The following FBXO8 variants were observed in gnomAD, a reference collection of about 807,000 sequenced individuals.
FBXO8 encodes the protein F-box protein 8.
FBXO8 carries 15 observed loss-of-function variants against 33.4 expected under a neutral mutation model. That is an observed-to-expected ratio of 0.45 (90% CI 0.30 to 0.69). The LOEUF is 0.69. FBXO8 is among the 30% of genes least tolerant of loss of function. The probability of loss-of-function intolerance (pLI) is 0.08; values close to 1 mark genes in which losing one functional copy is unlikely to be tolerated. For synonymous variants in FBXO8, 132 were observed against 131.5 expected (o/e 1.00, Z -0.02); for missense variants, 274 against 380.3 (o/e 0.72, Z 2.32).
At chr4:174,242,347 A>G (rs1418663526) in intron 3 of FBXO8, among the ~76,000 whole-genome samples, 1 of 151,560 alleles carries the variant, frequency 6.6e-6, no homozygotes, top group Non-Finnish European at 1.5e-5. Context: ...TTCTCATAAA[A>G]CTTTTATGGT....
intron 1 of FBXO8, among the ~76,000 whole-genome samples, chr4:174,268,650 A>G (rs1051551469): frequency 2.0e-5 from 3 of 152,026 alleles, no homozygotes; most frequent in Non-Finnish European, 4.4e-5. Flanking sequence ...GTTAGCCAGG[A>G]TGGTCTCCAT....
chr4:174,240,281 C>A (rs1047743736), intron 4 of FBXO8, among the ~76,000 whole-genome samples: 1 of 151,682 alleles, frequency 6.6e-6, no homozygotes, highest in African/African-American at 2.4e-5. Flanking sequence ...GGACTCTGAA[C>A]TTCTCAAAGA....
rs763205596 is a variant in FBXO8, at chr4:174,263,263, A to G, written c.-8-163T>C. 1.3e-5 allele frequency among the ~76,000 whole-genome samples: 2 copies of G among 152,240 alleles called. No individual in the cohort carries two copies. The highest frequency in any genetic ancestry group is 2.4e-5 in the African/African-American group (1 of 41,462). On this transcript the variant is annotated intron_variant, in intron 1 of 5. Transcript: ENST00000393674. The surrounding 1 kb of genome is among the most constrained non-coding windows in gnomAD (Gnocchi z 4.2). ...TATTACTAAGAATAGCTGGAAAATT[A>G]TAAGTGCAAATTTTGATAGACAAAG...
Position 174,247,468 on chromosome 4 carries a change from A to G in FBXO8, c.457-6250T>C, listed in dbSNP as rs1025746154. On this transcript the variant is annotated intron_variant, in intron 3 of 5. Transcript: ENST00000393674. The surrounding 1 kb of genome is among the most constrained non-coding windows in gnomAD (Gnocchi z 4.6). The stretch of plus-strand genomic sequence containing the variant: ...TAGACCATTATATAATAGAAAGCCA[A>G]TTGGATACTGCATTTAATTTTCTTT... Among the ~76,000 whole-genome samples, 8 of 152,042 alleles carry G rather than the reference A, an allele frequency of 5.3e-5. No individual in the cohort carries two copies. Among genetic ancestry groups the G allele is most frequent in the African/African-American group, 1.4e-4 (6 of 41,430 alleles).
chr4:174,259,971 T>A lies in FBXO8; in HGVS notation c.330-146A>T, dbSNP rs1328349845. The A allele has an allele frequency of 1.2e-6, 1 of 836,106 alleles. No homozygotes were observed. The highest frequency in any genetic ancestry group is 1.8e-5 in the African/African-American group (1 of 56,414). 51.8% of individuals were successfully genotyped at this position (836,106 alleles called of 1,614,324 possible). On this transcript the variant is annotated intron_variant, in intron 2 of 5. Coordinates refer to ENST00000393674, the MANE Select transcript of FBXO8 (RefSeq NM_012180.3). This position sits in a 1 kb window ranked among gnomAD's most constrained non-coding sequence, Gnocchi z 4.3. ...TTAAAATTTTTAAGTTTGTACTTGT[T>A]TTCTATTTGTTTACTAGAGTATGAC...
At chr4:174,276,879 T>C (rs1273923385) in intron 1 of FBXO8, among the ~76,000 whole-genome samples, 2 of 152,216 alleles carry the variant, frequency 1.3e-5, no homozygotes, top group Non-Finnish European at 2.9e-5. Context: ...TCTGATCTTT[T>C]GTTTCCTATA....
intron 1 of FBXO8, among the ~76,000 whole-genome samples, chr4:174,273,146 G>A (rs1736876789): frequency 6.6e-6 from 1 of 151,902 alleles, no homozygotes; most frequent in African/African-American, 2.4e-5. Flanking sequence ...AATTAGATGA[G>A]TGTGGTGGCA....
intron 3 of FBXO8, among the ~76,000 whole-genome samples, chr4:174,246,564 G>A (rs1736161270): frequency 6.6e-6 from 1 of 151,088 alleles, no homozygotes; most frequent in South Asian, 2.1e-4. Context: ...AGGAAAAAAT[G>A]GCAAAATTAA....
Position 174,256,295 on chromosome 4 carries a change from T to C in FBXO8, c.456+3404A>G. On this transcript the variant is annotated intron_variant, in intron 3 of 5. Coordinates refer to ENST00000393674, the MANE Select transcript of FBXO8 (RefSeq NM_012180.3). This position sits in a 1 kb window ranked among gnomAD's most constrained non-coding sequence, Gnocchi z 4.6. Reference sequence around the variant, plus strand: ...AGGTACTTGCAAAAAGCATCACATATTTAAACGTATCATCAAAACTAATTT... The same window carrying C: ...AGGTACTTGCAAAAAGCATCACATACTTAAACGTATCATCAAAACTAATTT... 2 of 356,886 alleles carry C rather than the reference T, an allele frequency of 5.6e-6. No individual in the cohort carries two copies. The highest frequency in any genetic ancestry group is 4.5e-5 in the South Asian group (2 of 44,284). 22.1% of individuals were successfully genotyped at this position (356,886 alleles called of 1,614,324 possible). A position where few individuals can be genotyped will look rare whatever the true frequency, so the allele number is the denominator to read the frequency against.
In FBXO8 at chr4:174,256,346, A is replaced by T. The variant is rs572062184; in HGVS notation, c.456+3353T>A. Among the ~76,000 whole-genome samples the T allele has an allele frequency of 1.1e-3, 172 of 152,152 alleles. No individual in the cohort carries two copies. Among genetic ancestry groups the T allele is most frequent in the Non-Finnish European group, 1.9e-3 (131 of 68,012 alleles). On this transcript the variant is annotated intron_variant, in intron 3 of 5. Transcript: ENST00000393674. This position sits in a 1 kb window ranked among gnomAD's most constrained non-coding sequence, Gnocchi z 4.6. The stretch of plus-strand genomic sequence containing the variant: ...ACTGCTCAGAGTTAAATGAACCTAA[A>T]ATAATATATCTGATGACAGTGCTCC...
intron 3 of FBXO8, among the ~76,000 whole-genome samples, chr4:174,250,648 T>C (rs1044792797): frequency 6.6e-6 from 1 of 152,160 alleles, no homozygotes; most frequent in Non-Finnish European, 1.5e-5. Context: ...TACAGTTAGC[T>C]GGTTTTAAAA....
intron 2 of FBXO8, among the ~76,000 whole-genome samples, chr4:174,260,213 G>C (rs1001654784): frequency 2.0e-5 from 3 of 151,956 alleles, no homozygotes; most frequent in Non-Finnish European, 4.4e-5. Flanking sequence ...TATGACGTTG[G>C]TGATACAGAT....
rs1437306903 is a variant in FBXO8 at position 174,278,549 on chromosome 4, T to G, written c.-9+4861A>C. ...GCTCCATTGTCCAACTATTTGAAACTTTAAAATAAATGTATCATACTTCTC... is the reference window on the plus strand; with the variant it reads ...GCTCCATTGTCCAACTATTTGAAACGTTAAAATAAATGTATCATACTTCTC... On this transcript the variant is annotated intron_variant, in intron 1 of 5. Coordinates refer to ENST00000393674, the MANE Select transcript of FBXO8 (RefSeq NM_012180.3). This position sits in a 1 kb window ranked among gnomAD's most constrained non-coding sequence, Gnocchi z 4.1. 2.6e-5 allele frequency among the ~76,000 whole-genome samples: 4 copies of G among 152,120 alleles called. No homozygotes were observed. The highest frequency in any genetic ancestry group is 9.7e-5 in the African/African-American group (4 of 41,450).
chr4:174,266,625 A>C (rs978235974), intron 1 of FBXO8, among the ~76,000 whole-genome samples: 2 of 152,216 alleles, frequency 1.3e-5, no homozygotes, highest in Non-Finnish European at 2.9e-5. Context: ...TTGTAAAGCA[A>C]GTCATGGAGG....
At chr4:174,240,071 C>T (rs895502643) in intron 4 of FBXO8, among the ~76,000 whole-genome samples, 2 of 144,976 alleles carry the variant, frequency 1.4e-5, no homozygotes, top group Non-Finnish European at 3.0e-5. Context: ...GCTTTCACCA[C>T]AGAATGGCAG....
Position 174,275,208 on chromosome 4 carries a change from T to C in FBXO8, c.-9+8202A>G, listed in dbSNP as rs1198395908. Among the ~76,000 whole-genome samples, 1 of 152,174 alleles carries C rather than the reference T, an allele frequency of 6.6e-6. No individual in the cohort carries two copies. The highest frequency in any genetic ancestry group is 6.5e-5 in the Admixed American group (1 of 15,284). On this transcript the variant is annotated intron_variant, in intron 1 of 5. Coordinates refer to ENST00000393674, the MANE Select transcript of FBXO8 (RefSeq NM_012180.3). This position sits in a 1 kb window ranked among gnomAD's most constrained non-coding sequence, Gnocchi z 4.4. The stretch of plus-strand genomic sequence containing the variant: ...GCACATGGTAAGATGGTCAACATCA[T>C]TAGCCAGGAGAGAGGTGCGTACGGT...
At chr4:174,249,742 C>T (rs942850061) in intron 3 of FBXO8, among the ~76,000 whole-genome samples, 1 of 151,948 alleles carries the variant, frequency 6.6e-6, no homozygotes, top group Admixed American at 6.6e-5. Context: ...TTAATTTTAA[C>T]ATAACTCTGG....
intron 1 of FBXO8, among the ~76,000 whole-genome samples, chr4:174,276,307 G>A (rs1280257267): frequency 2.6e-5 from 4 of 151,762 alleles, no homozygotes; most frequent in Non-Finnish European, 4.4e-5. Flanking sequence ...GAACAATCTC[G>A]GCTCACTGCA....
chr4:174,241,972 C>CA lies in FBXO8; in HGVS notation c.457-755dup, dbSNP rs923299979. On this transcript the variant is annotated intron_variant, in intron 3 of 5. Transcript: ENST00000393674. This position sits in a 1 kb window ranked among gnomAD's most constrained non-coding sequence, Gnocchi z 4.2. ...ACCACCACCAACAAAACACCACCAA[C>CA]AAAAAAATCAAATGCTGAAAACAGT... 4.0e-5 allele frequency among the ~76,000 whole-genome samples: 6 copies of CA among 151,432 alleles called. No homozygotes were observed. Among genetic ancestry groups the CA allele is most frequent in the Non-Finnish European group, 7.4e-5 (5 of 67,546 alleles).
Sources: gnomAD v4.1 joint callset for allele counts (sites outside exome capture counted in the v4.1 genomes callset) on GRCh38, gnomAD v4.1.1 for gene constraint, Gnocchi (gnomAD v3.1) non-coding constraint, MANE v1.5 for transcripts, NCBI Gene and HGNC (gene_info 2026-07-23, HGNC 2026-07-21) for gene names.